ROR1: variants seen among roughly 807,000 people sequenced by gnomAD.
ROR1 encodes the protein inactive tyrosine-protein kinase transmembrane receptor ROR1.
ROR1 carries 19 observed loss-of-function variants against 78.8 expected under a neutral mutation model. The ratio of observed to expected loss-of-function variants is 0.24; its 90% confidence interval spans 0.17 to 0.35. The LOEUF (loss-of-function observed/expected upper bound fraction) is 0.35. ROR1 is among the 10% of genes least tolerant of loss of function. The pLI is 1.00. For synonymous variants in ROR1, 386 were observed against 433.6 expected (o/e 0.89, Z 1.36); for missense variants, 917 against 1,177.8 (o/e 0.78, Z 3.24).
At chr1:64,157,674 C>A (rs532798571) in intron 7 of ROR1, among the ~76,000 whole-genome samples, 1 of 152,092 alleles carries the variant, frequency 6.6e-6, no homozygotes, top group Non-Finnish European at 1.5e-5. Context: ...TTTAAAGGAC[C>A]TTTTGGGTCT....
At chr1:64,112,863 C>G (rs1482233711) in intron 4 of ROR1, among the ~76,000 whole-genome samples, 1 of 152,206 alleles carries the variant, frequency 6.6e-6, no homozygotes, top group Non-Finnish European at 1.5e-5. Flanking sequence ...GAATGCAAGA[C>G]CTGCATTTCC....
intron 2 of ROR1, among the ~76,000 whole-genome samples, chr1:64,035,168 A>C (rs995105489): frequency 2.6e-5 from 4 of 152,192 alleles, no homozygotes; most frequent in African/African-American, 9.7e-5. Flanking sequence ...CCATCATCAT[A>C]ATGTTTGTGA....
At chr1:63,895,482 A>G (rs1645432208) in intron 1 of ROR1, among the ~76,000 whole-genome samples, 1 of 152,178 alleles carries the variant, frequency 6.6e-6, no homozygotes, top group Non-Finnish European at 1.5e-5. Context: ...CCAAGGTGGA[A>G]TTTGAAGTGG....
At chr1:64,137,273 C>G in intron 4 of ROR1, 96 bp from the exon 5 acceptor site, 1 of 1,316,118 alleles carries the variant, frequency 7.6e-7, no homozygotes, top group Non-Finnish European at 1.1e-6. Flanking sequence ...CCAACTGTGC[C>G]CCCTAGTGAC....
chr1:64,113,880 G>T lies in ROR1; in HGVS notation c.483-23489G>T, dbSNP rs1051946199. On this transcript the variant is annotated intron_variant, in intron 4 of 8. Coordinates refer to ENST00000371079, the MANE Select transcript of ROR1 (RefSeq NM_005012.4). ...TTTCTTTTGGAATCTGACAGATCTG[G>T]GTTGGAGGCCCAACTTTAACATTTA... The T allele has an allele frequency of 3.3e-5, 5 of 151,866 alleles. No homozygotes were observed. The South Asian group carries it at 1.0e-3, about 32-fold the overall frequency. The allele number at this position is 151,866 out of a possible 1,614,324, so 9.4% of individuals were successfully genotyped here.
Position 64,178,396 on chromosome 1 carries a change from A to C in ROR1, c.2355A>C (p.Arg785Ser). ...CAGTGAGTAATCTCAGTAACCCCAG[A>C]TATCCTAATTACATGTTCCCGAGCC... Reference protein sequence around the residue: ...ASPVSNLSNPRYPNYMFPSQG... With the variant: ...ASPVSNLSNPSYPNYMFPSQG... Residue 785 changes from arginine to serine, a missense_variant, in exon 9 of 9, where the codon AGA (arginine) becomes AGC (serine). Around this residue, in one of 3 missense-constraint regions of ROR1, gnomAD observed 835 missense variants for 1,069.8 expected, o/e 0.78. Coordinates refer to ENST00000371079, the MANE Select transcript of ROR1 (RefSeq NM_005012.4). The surrounding 1 kb of genome is among the most constrained non-coding windows in gnomAD (Gnocchi z 4.3). 1 of 1,614,144 alleles carries C rather than the reference A, an allele frequency of 6.2e-7. No homozygotes were observed. Among genetic ancestry groups the C allele is most frequent in the Non-Finnish European group, 8.5e-7 (1 of 1,180,028 alleles).
chr1:63,933,352 A>G (rs2100446971), intron 1 of ROR1, among the ~76,000 whole-genome samples: 1 of 152,274 alleles, frequency 6.6e-6, no homozygotes, highest in East Asian at 1.9e-4. Flanking sequence ...GAGATTCTCC[A>G]TGTTACTTGC....
chr1:63,961,416 T>C (rs1405011626), intron 1 of ROR1, among the ~76,000 whole-genome samples: 2 of 152,216 alleles, frequency 1.3e-5, no homozygotes, highest in Admixed American at 1.3e-4. Flanking sequence ...TTCACAGTAG[T>C]CATAATATGG....
chr1:63,946,687 T>G (rs1645892336), intron 1 of ROR1, among the ~76,000 whole-genome samples: 1 of 152,198 alleles, frequency 6.6e-6, no homozygotes, highest in South Asian at 2.1e-4. Flanking sequence ...GAGGTAGGAT[T>G]TGAATTCAGG....
At chr1:64,119,296 C>T (rs1490666581) in intron 4 of ROR1, among the ~76,000 whole-genome samples, 1 of 152,150 alleles carries the variant, frequency 6.6e-6, no homozygotes, top group Non-Finnish European at 1.5e-5. Context: ...TATATACCCC[C>T]ATAGTTGTAT....
intron 1 of ROR1, among the ~76,000 whole-genome samples, chr1:63,901,892 C>G (rs954184194): frequency 3.3e-5 from 5 of 152,046 alleles, no homozygotes; most frequent in East Asian, 1.9e-4. Flanking sequence ...AACAAAGATA[C>G]TCTGTTCTGT....
intron 1 of ROR1, among the ~76,000 whole-genome samples, chr1:63,828,153 G>A (rs1406977970): frequency 6.6e-6 from 1 of 152,134 alleles, no homozygotes; most frequent in African/African-American, 2.4e-5. Context: ...CCTGTTGGTG[G>A]TCTTGGAGGA....
intron 1 of ROR1, among the ~76,000 whole-genome samples, chr1:63,824,305 G>A (rs948731059): frequency 2.7e-4 from 41 of 152,146 alleles, no homozygotes; most frequent in African/African-American, 9.9e-4. Flanking sequence ...AAGCAGGAAA[G>A]CAGCCATAGA....
At chr1:63,813,385 G>A (rs151021559) in intron 1 of ROR1, among the ~76,000 whole-genome samples, 1 of 152,328 alleles carries the variant, frequency 6.6e-6, no homozygotes, top group East Asian at 1.9e-4. Flanking sequence ...GCACATAGCA[G>A]ACATTCAATA....
chr1:64,097,495 G>T (rs1327999996), intron 4 of ROR1, among the ~76,000 whole-genome samples: 1 of 151,800 alleles, frequency 6.6e-6, no homozygotes, highest in African/African-American at 2.4e-5. Flanking sequence ...CACATTTTTA[G>T]GGGCCTTTAT....
At chr1:64,103,985 G>A (rs1452704193) in intron 4 of ROR1, among the ~76,000 whole-genome samples, 1 of 152,062 alleles carries the variant, frequency 6.6e-6, no homozygotes, top group Non-Finnish European at 1.5e-5. Flanking sequence ...CATCTAGTAG[G>A]TTAAGGCCAG....
intron 1 of ROR1, among the ~76,000 whole-genome samples, chr1:63,989,946 G>T (rs1251703518): frequency 6.6e-6 from 1 of 152,138 alleles, no homozygotes; most frequent in Non-Finnish European, 1.5e-5. Context: ...ATTGCTCAGA[G>T]TGCTTGATGT....
chr1:64,095,652 G>T (rs1218513017), intron 4 of ROR1, among the ~76,000 whole-genome samples: 2 of 152,094 alleles, frequency 1.3e-5, no homozygotes, highest in African/African-American at 2.4e-5. Flanking sequence ...CATTTGTGCA[G>T]AATTATGTAT....
At chr1:64,034,647 CT>C (rs1411254196) in intron 2 of ROR1, among the ~76,000 whole-genome samples, 7 of 152,126 alleles carry the variant, frequency 4.6e-5, no homozygotes, top group Non-Finnish European at 1.0e-4. Context: ...ATTATGGTGG[CT>C]AATATCAGGT....
Sources: allele counts gnomAD v4.1 joint callset (sites outside exome capture counted in the v4.1 genomes callset), GRCh38; gene constraint gnomAD v4.1.1; regional missense constraint gnomAD v4.1.1; non-coding constraint Gnocchi (gnomAD v3.1); transcripts MANE v1.5; gene names NCBI Gene and HGNC (gene_info 2026-07-23, HGNC 2026-07-21).